Variants in FBRSL1 observed in about 807,000 individuals in gnomAD.
FBRSL1 encodes fibrosin like 1, also known as fibrosin-1-like protein.
Under a neutral mutation model 89.6 loss-of-function variants are expected in FBRSL1, and 51 were observed. The observed-to-expected ratio is 0.57, with a 90% CI of 0.45 to 0.72. The LOEUF is 0.72. FBRSL1 is among the 30% of genes least tolerant of loss of function. The pLI, the probability that FBRSL1 is intolerant of heterozygous loss-of-function variation, is 0.00. For synonymous variants in FBRSL1, 779 were observed against 681.1 expected (o/e 1.14, Z -2.24); for missense variants, 1,618 against 1,451.8 (o/e 1.11, Z -1.86).
rs2039929281 is a variant in FBRSL1 at position 132,570,406 on chromosome 12, T to A, written c.1079T>A (p.Leu360Gln). 2 of 1,534,678 alleles carry A rather than the reference T, an allele frequency of 1.3e-6. No individual in the cohort carries two copies. The highest frequency in any genetic ancestry group is 1.7e-6 in the Non-Finnish European group (2 of 1,145,692). Residue 360 changes from leucine (L) to glutamine (Q), a missense_variant, in exon 8 of 19, where the codon CTG becomes CAG. Transcript: ENST00000680143. ...SLSPHGPGPH[L>Q]STSHLALRSQ... is the part of the protein sequence containing the mutation. ...TCGCCACACGGGCCGGGCCCCCACC[T>A]GTCTACCTCACACCTGGCGCTCCGG...
intron 4 of FBRSL1, among the ~76,000 whole-genome samples, chr12:132,529,876 G>C (rs2036119009): frequency 6.6e-6 from 1 of 152,248 alleles, no homozygotes; most frequent in Admixed American, 6.5e-5. Flanking sequence ...GGTTCCTGGA[G>C]CAGCTGCCTG....
intron 11 of FBRSL1, among the ~76,000 whole-genome samples, chr12:132,573,507 G>C (rs1333984502): frequency 6.6e-6 from 1 of 152,198 alleles, no homozygotes; most frequent in African/African-American, 2.4e-5. Context: ...GGGACCCCCA[G>C]ACTGGGACTC....
At chr12:132,541,597 A>T (rs1052330659) in intron 4 of FBRSL1, among the ~76,000 whole-genome samples, 4 of 152,194 alleles carry the variant, frequency 2.6e-5, no homozygotes, top group African/African-American at 9.6e-5. Context: ...CACAGGACTG[A>T]GGCGGCCGAA....
At chr12:132,550,314 G>C (rs550249535) in intron 5 of FBRSL1, among the ~76,000 whole-genome samples, 74 of 148,996 alleles carry the variant, frequency 5.0e-4, no homozygotes, top group African/African-American at 1.8e-3. Context: ...GAGAGGCCTG[G>C]CGGGGCGGGG....
chr12:132,527,024 G>A (rs1031060344), intron 3 of FBRSL1, among the ~76,000 whole-genome samples: 2 of 152,140 alleles, frequency 1.3e-5, no homozygotes, highest in African/African-American at 4.8e-5. Flanking sequence ...AGGTGTGGGG[G>A]GCCCCTAGCT....
At chr12:132,560,974 C>T (rs1163157342) in intron 5 of FBRSL1, among the ~76,000 whole-genome samples, 1 of 152,146 alleles carries the variant, frequency 6.6e-6, no homozygotes, top group Non-Finnish European at 1.5e-5. Flanking sequence ...AGGGAAAGAG[C>T]TGAGGGACCG....
intron 1 of FBRSL1, among the ~76,000 whole-genome samples, chr12:132,495,767 G>T (rs942644623): frequency 1.3e-5 from 2 of 152,206 alleles, no homozygotes; most frequent in African/African-American, 4.8e-5. Flanking sequence ...AAGCAGCGTC[G>T]CTGGCCCCTC....
At position 132,499,260 on chromosome 12, in the gene FBRSL1, C is replaced by T. The variant is rs1267408628; in HGVS notation, c.291+8399C>T. On this transcript the variant is annotated intron_variant, in intron 1 of 18. Transcript: ENST00000680143. This position sits in a 1 kb window ranked among gnomAD's most constrained non-coding sequence, Gnocchi z 4.3. ...GCCGGGCAGGGGTGGTGCTGGACCT[C>T]TGGGAGAGGCCAGGTGAGCCGCTGG... 1.3e-5 allele frequency among the ~76,000 whole-genome samples: 2 copies of T among 151,802 alleles called. No homozygotes were observed. Among genetic ancestry groups the T allele is most frequent in the Non-Finnish European group, 2.9e-5 (2 of 67,940 alleles).
intron 2 of FBRSL1, among the ~76,000 whole-genome samples, chr12:132,519,925 A>C (rs962295277): frequency 7.0e-5 from 10 of 143,810 alleles, no homozygotes; most frequent in Admixed American, 6.3e-4. Context: ...AAAAGTGGCT[A>C]CTCTTCCAGT....
chr12:132,494,584 C>G (rs1312697111), intron 1 of FBRSL1, among the ~76,000 whole-genome samples: 2 of 152,254 alleles, frequency 1.3e-5, no homozygotes, highest in East Asian at 1.9e-4. Context: ...GCAGGGTGCC[C>G]AGGAGCACAT....
chr12:132,490,897 C>T (rs1432132354), intron 1 of FBRSL1, 36 bp downstream of exon 1: 2 of 1,067,852 alleles, frequency 1.9e-6, no homozygotes, highest in Non-Finnish European at 1.2e-6. Flanking sequence ...GGCGTTGAGG[C>T]GAGAACGGGG....
At chr12:132,562,269 G>T (rs544613755) in intron 5 of FBRSL1, among the ~76,000 whole-genome samples, 46 of 152,276 alleles carry the variant, frequency 3.0e-4, no homozygotes, top group Middle Eastern at 3.4e-3. Context: ...TGGCTTCCCA[G>T]GGGTGAGAGG....
chr12:132,556,862 CA>C (rs62953361), intron 5 of FBRSL1, among the ~76,000 whole-genome samples: 76,202 of 142,430 alleles, frequency 0.54, 21,978 homozygotes, highest in Middle Eastern at 0.67. Context: ...TGCTGCCCCC[CA>C]AACCCCCGTC....
At chr12:132,524,531 C>T (rs552913787) in intron 2 of FBRSL1, among the ~76,000 whole-genome samples, 2 of 152,266 alleles carry the variant, frequency 1.3e-5, no homozygotes, top group Non-Finnish European at 2.9e-5. Flanking sequence ...AGGCTCATGG[C>T]TGCAGCGAGC....
intron 2 of FBRSL1, chr12:132,509,824 G>A (rs997342154): frequency 3.0e-5 from 37 of 1,231,332 alleles, no homozygotes; most frequent in Non-Finnish European, 2.9e-5. Context: ...CAGTGCCAGC[G>A]GTACCAGCCC....
At chr12:132,531,947 C>T (rs1430854204) in intron 4 of FBRSL1, among the ~76,000 whole-genome samples, 3 of 152,230 alleles carry the variant, frequency 2.0e-5, no homozygotes, top group Non-Finnish European at 4.4e-5. Context: ...TTGGCCTTCT[C>T]AGCCACCGTC....
chr12:132,577,703 G>A (rs2040468731), intron 15 of FBRSL1, among the ~76,000 whole-genome samples: 1 of 151,884 alleles, frequency 6.6e-6, no homozygotes, highest in Admixed American at 6.6e-5. Context: ...CAGGCACGCA[G>A]AGGCACGAAG....
At chr12:132,531,819 C>T (rs1284043300) in intron 4 of FBRSL1, among the ~76,000 whole-genome samples, 4 of 152,250 alleles carry the variant, frequency 2.6e-5, no homozygotes, top group African/African-American at 4.8e-5. Context: ...CACAGGCATT[C>T]ATCACCTGGT....
In FBRSL1 at chr12:132,551,383, G is replaced by A. The variant is rs984107611; in HGVS notation, c.645+3351G>A. Reference sequence around the variant, plus strand: ...AGCCACAGACAGCGTCCTGCGTGGGGTCTGTGGGCGCTGACCCAGCAGCCG... The same window carrying A: ...AGCCACAGACAGCGTCCTGCGTGGGATCTGTGGGCGCTGACCCAGCAGCCG... On this transcript the variant is annotated intron_variant, in intron 5 of 18. Transcript: ENST00000680143. 7 of 455,804 alleles carry A rather than the reference G, an allele frequency of 1.5e-5. No individual in the cohort carries two copies. The Admixed American group carries it at 1.6e-4, about 11-fold the overall frequency. The allele number at this position is 455,804 out of a possible 1,614,324, so 28.2% of individuals were successfully genotyped here. A position where few individuals can be genotyped will look rare whatever the true frequency, so the allele number is the denominator to read the frequency against.
Sources: allele counts gnomAD v4.1 joint callset (sites outside exome capture counted in the v4.1 genomes callset), GRCh38; gene constraint gnomAD v4.1.1; non-coding constraint Gnocchi (gnomAD v3.1); transcripts MANE v1.5; gene names NCBI Gene and HGNC (gene_info 2026-07-23, HGNC 2026-07-21).